ZNF536: variants seen among roughly 807,000 people sequenced by gnomAD.
The protein encoded by ZNF536 is zinc finger protein 536.
ZNF536 carries 13 observed loss-of-function variants against 84.5 expected under a neutral mutation model. The ratio of observed to expected loss-of-function variants is 0.15; its 90% CI spans 0.10 to 0.24. The LOEUF is 0.24. Among genes scored for constraint, ZNF536 ranks in the 10% least tolerant of loss-of-function variants. ZNF536 has a pLI of 1.00. For synonymous variants in ZNF536, 811 were observed against 742.5 expected (o/e 1.09, Z -1.50); for missense variants, 1,536 against 1,747.5 (o/e 0.88, Z 2.16).
At position 30,443,945 on chromosome 19, in the gene ZNF536, G is replaced by T. The variant is rs1393719319; in HGVS notation, c.383G>T (p.Arg128Leu). ...ATCGAGGACGACGCCCGCAAGAACC[G>T]CAAGTACCCGTGCCCACTCTGCGGC... is the stretch of plus-strand genomic sequence containing the variant. Reference protein sequence around the residue: ...SDIEDDARKNRKYPCPLCGKR... With the variant: ...SDIEDDARKNLKYPCPLCGKR... The change falls in exon 2 of 5, where the codon CGC becomes CTC. Residue 128 changes from arginine (R) to leucine (L), a missense_variant. This residue lies in a region of ZNF536 where 161 missense variants were observed against 178.5 expected (regional missense o/e 0.90). Coordinates refer to ENST00000355537, the MANE Select transcript of ZNF536 (RefSeq NM_014717.3). 1 of 1,613,704 alleles carries T rather than the reference G, an allele frequency of 6.2e-7. No homozygotes were observed.
At chr19:30,441,276 G>T (rs372208685) in intron 1 of ZNF536, among the ~76,000 whole-genome samples, 1 of 152,252 alleles carries the variant, frequency 6.6e-6, no homozygotes. Context: ...CCATGGAGCT[G>T]TTGGGTGGAA....
chr19:30,712,122 T>C (rs1600363877), exon 2 of ZNF536: 1 of 152,356 alleles, frequency 6.6e-6, no homozygotes, highest in African/African-American at 2.4e-5. Context: ...AAAATGTCTG[T>C]TTTTGTAAAA....
intron 3 of ZNF536, among the ~76,000 whole-genome samples, chr19:30,361,726 T>A (rs573862928): frequency 2.1e-4 from 29 of 136,702 alleles, no homozygotes; most frequent in African/African-American, 7.4e-4. Context: ...AGGTGGGTGG[T>A]GGGGTTGAGC....
At chr19:30,316,713 G>T (rs1023579471) in intron 2 of ZNF536, among the ~76,000 whole-genome samples, 6 of 152,164 alleles carry the variant, frequency 3.9e-5, no homozygotes, top group Non-Finnish European at 5.9e-5. Flanking sequence ...CATTCCATGG[G>T]TGCCATTCCA....
Position 30,383,659 on chromosome 19 carries a change from TTTC to T in ZNF536, c.-3+11105_-3+11107del, listed in dbSNP as rs1447579117. ...CTTTCTTCCTTCCTTTCTTTCTCTC[TTTC>T]TCTTTCTTTCTTCCTTTCTTCCTTC... On this transcript the variant is annotated intron_variant, in intron 1 of 4. Coordinates refer to ENST00000355537, the MANE Select transcript of ZNF536 (RefSeq NM_014717.3). 2.9e-4 allele frequency among the ~76,000 whole-genome samples: 12 copies of T among 40,774 alleles called. 1 individual carries two copies. Among genetic ancestry groups the T allele is most frequent in the African/African-American group, 8.4e-4 (9 of 10,772 alleles). 26.7% of individuals were successfully genotyped at this position (40,774 alleles called of 152,430 possible).
At chr19:30,288,023 G>C (rs2045710134) in intron 2 of ZNF536, among the ~76,000 whole-genome samples, 1 of 152,040 alleles carries the variant, frequency 6.6e-6, no homozygotes, top group African/African-American at 2.4e-5. Context: ...TTTTAGTCTA[G>C]TGTTTTAAAA....
chr19:30,639,919 G>C (rs970164797), intron 1 of ZNF536, among the ~76,000 whole-genome samples: 3 of 152,188 alleles, frequency 2.0e-5, no homozygotes, highest in Admixed American at 6.5e-5. Context: ...TGGCTCCTTT[G>C]ATAACTCTAT....
At chr19:30,434,632 T>C (rs987188656) in intron 1 of ZNF536, among the ~76,000 whole-genome samples, 7 of 152,190 alleles carry the variant, frequency 4.6e-5, no homozygotes, top group Admixed American at 3.9e-4. Flanking sequence ...ACAATGACTG[T>C]GATGTACCTA....
intron 1 of ZNF536, among the ~76,000 whole-genome samples, chr19:30,396,794 G>A (rs920400589): frequency 6.6e-6 from 1 of 151,986 alleles, no homozygotes; most frequent in Non-Finnish European, 1.5e-5. Context: ...TAGTAGAGAC[G>A]GGGTTTCACC....
intron 1 of ZNF536, among the ~76,000 whole-genome samples, chr19:30,241,853 C>T (rs2023964371): frequency 6.6e-6 from 1 of 152,206 alleles, no homozygotes; most frequent in African/African-American, 2.4e-5. Flanking sequence ...GCTGTGGGGA[C>T]ACCTCCTCAC....
intron 2 of ZNF536, among the ~76,000 whole-genome samples, chr19:30,298,486 T>C (rs2046080311): frequency 6.6e-6 from 1 of 152,116 alleles, no homozygotes; most frequent in African/African-American, 2.4e-5. Context: ...GCTGGTAGCG[T>C]TGGGGTCAGA....
intron 1 of ZNF536, among the ~76,000 whole-genome samples, chr19:30,422,872 T>G: frequency 8.1e-6 from 1 of 124,144 alleles, no homozygotes; most frequent in Non-Finnish European, 1.6e-5. Context: ...CATCCATCCA[T>G]CCATCCATCC....
At chr19:30,470,120 G>A (rs983387390) in intron 2 of ZNF536, among the ~76,000 whole-genome samples, 1 of 152,252 alleles carries the variant, frequency 6.6e-6, no homozygotes, top group African/African-American at 2.4e-5. Context: ...GAGGCTGTGC[G>A]ATTCCAGGGG....
chr19:30,553,647 G>A (rs2045861615), intron 4 of ZNF536, among the ~76,000 whole-genome samples: 2 of 152,216 alleles, frequency 1.3e-5, no homozygotes, highest in Admixed American at 1.3e-4. Context: ...ACTCAGGGAA[G>A]GCTGGCTGAA....
At chr19:30,303,129 C>G (rs2046239184) in intron 2 of ZNF536, among the ~76,000 whole-genome samples, 1 of 152,276 alleles carries the variant, frequency 6.6e-6, no homozygotes, top group Admixed American at 6.5e-5. Flanking sequence ...CCCAGGAGCT[C>G]CTAGATGGGT....
chr19:30,640,037 G>T (rs1010660278), intron 1 of ZNF536, among the ~76,000 whole-genome samples: 1 of 152,176 alleles, frequency 6.6e-6, no homozygotes, highest in Non-Finnish European at 1.5e-5. Flanking sequence ...CTGAGGTCAG[G>T]AGTTTGAGAC....
intron 1 of ZNF536, among the ~76,000 whole-genome samples, chr19:30,654,651 C>A (rs117355550): frequency 1.5e-3 from 235 of 152,246 alleles, no homozygotes; most frequent in Middle Eastern, 3.4e-3. Context: ...TTCTTTTAAC[C>A]GGGCGATTGT....
intron 2 of ZNF536, among the ~76,000 whole-genome samples, chr19:30,286,572 AAGAC>A (rs1297336873): frequency 1.3e-5 from 2 of 148,624 alleles, no homozygotes; most frequent in Non-Finnish European, 2.9e-5. Flanking sequence ...GAGAGACAGA[AAGAC>A]AGACAGAGAG....
At chr19:30,705,695 A>C (rs188025597) in intron 1 of ZNF536, among the ~76,000 whole-genome samples, 2 of 152,316 alleles carry the variant, frequency 1.3e-5, no homozygotes. Context: ...TTATCTACAA[A>C]GCTTCTACTT....
Sources: allele counts gnomAD v4.1 joint callset (sites outside exome capture counted in the v4.1 genomes callset), GRCh38; gene constraint gnomAD v4.1.1; regional missense constraint gnomAD v4.1.1; transcripts MANE v1.5; gene names NCBI Gene and HGNC (gene_info 2026-07-23, HGNC 2026-07-21).